Variants in CASR observed in about 807,000 individuals in gnomAD.
The protein encoded by CASR is extracellular calcium-sensing receptor.
CASR carries 23 observed loss-of-function variants against 69.1 expected under a neutral mutation model. That is an observed-to-expected ratio of 0.33 (90% CI 0.24 to 0.47). The LOEUF (loss-of-function observed/expected upper bound fraction) is 0.47, where lower values mean the gene tolerates loss of function less well. Ranked by LOEUF, CASR falls within the 20% of genes least tolerant of loss-of-function variation. The pLI, the probability that CASR is intolerant of heterozygous loss-of-function variation, is 1.00. For synonymous variants in CASR, 541 were observed against 544.7 expected (o/e 0.99, Z 0.10); for missense variants, 924 against 1,356.1 (o/e 0.68, Z 5.00).
rs2107650239 is a variant in CASR at position 122,284,222 on chromosome 3, G to A, written c.2268G>A (p.Leu756=). 2 of 1,614,058 alleles carry A rather than the reference G, an allele frequency of 1.2e-6. No individual in the cohort carries two copies. Among genetic ancestry groups the A allele is most frequent in the Non-Finnish European group, 1.7e-6 (2 of 1,180,012 alleles). Residue 756 remains leucine, a synonymous_variant, in exon 7 of 7, where the codon CTG becomes CTA. Transcript: ENST00000639785. ...CGTCAAGCTACCGCAACCAGGAGCT[G>A]GAGGATGAGATCATCTTCATCACGT... ...APPSSYRNQE[L]EDEIIFITCH... is the part of the protein sequence containing the mutation.
At chr3:122,231,985 G>A (rs563151889) in intron 1 of CASR, among the ~76,000 whole-genome samples, 25 of 152,250 alleles carry the variant, frequency 1.6e-4, no homozygotes, top group African/African-American at 6.0e-4. Context: ...ACACCCGCAT[G>A]TCCAGATAGC....
In CASR at chr3:122,221,647, TAAC is replaced by T. The variant is rs553416190; in HGVS notation, c.-242-32290_-242-32288del. On this transcript the variant is annotated intron_variant, in intron 1 of 6. Coordinates refer to ENST00000639785, the MANE Select transcript of CASR (RefSeq NM_000388.4). The stretch of plus-strand genomic sequence containing the variant: ...TGATCTATTGCCACTAGAAAGATAG[TAAC>T]AACAACAACACAAATCTCTAGTACA... Among the ~76,000 whole-genome samples, 10 of 152,268 alleles carry T rather than the reference TAAC, an allele frequency of 6.6e-5. No individual in the cohort carries two copies. In the South Asian group the frequency reaches 2.1e-3, roughly 32 times the overall value.
intron 1 of CASR, among the ~76,000 whole-genome samples, chr3:122,191,195 A>G (rs1449622548): frequency 6.6e-6 from 1 of 152,254 alleles, no homozygotes; most frequent in African/African-American, 2.4e-5. Context: ...AGCAGTGGAT[A>G]TTTTGTAAGA....
intron 3 of CASR, 57 bp from the exon 4 acceptor site, chr3:122,261,471 C>T (rs2074620315): frequency 2.6e-6 from 4 of 1,549,132 alleles, no homozygotes; most frequent in Admixed American, 1.7e-5. Flanking sequence ...TGGAGGCTCA[C>T]TCAGCACCTC....
rs1379368670 is a variant in CASR, at chr3:122,284,761, T to A, written c.2807T>A (p.Leu936Gln). The change falls in exon 7 of 7, where the codon CTG (leucine) becomes CAG (glutamine). Residue 936 changes from leucine (L) to glutamine (Q), a missense_variant. By Grantham distance (113) the Leu-to-Gln change is moderately radical (BLOSUM62 -2). This residue lies in a region of CASR where 201 missense variants were observed against 228.8 expected (regional missense o/e 0.88). Transcript: ENST00000639785. ...QPERQKQQQP[L>Q]ALTQQEQQQQ... is the part of the protein sequence containing the mutation. Reference sequence around the variant, plus strand: ...GAGAGGCAGAAGCAGCAGCAGCCGCTGGCCCTAACCCAGCAAGAGCAGCAG... The same window carrying A: ...GAGAGGCAGAAGCAGCAGCAGCCGCAGGCCCTAACCCAGCAAGAGCAGCAG... 6.2e-7 allele frequency: 1 copy of A among 1,613,978 alleles called. No individual in the cohort carries two copies.
At position 122,183,794 on chromosome 3, in the gene CASR, C is replaced by T. The variant is rs1413199560; in HGVS notation, c.-261C>T. 6.6e-6 allele frequency: 1 copy of T among 152,162 alleles called. No individual in the cohort carries two copies. Among genetic ancestry groups the T allele is most frequent in the Non-Finnish European group, 1.5e-5 (1 of 68,036 alleles). The allele number at this position is 152,162 out of a possible 1,614,324, so 9.4% of individuals were successfully genotyped here. On this transcript the variant is annotated 5_prime_UTR_variant, in exon 1 of 7. Transcript: ENST00000639785. ...GTCTTGCGGCACAGGCAACGCTTGA[C>T]CTGAGTCTTGCAGAATGAGTAAGAG...
chr3:122,209,849 GC>G lies in CASR; in HGVS notation c.-243+26038del, dbSNP rs778020722. Among the ~76,000 whole-genome samples the G allele has an allele frequency of 2.6e-5, 4 of 152,264 alleles. No individual in the cohort carries two copies. The East Asian group carries it at 7.7e-4, about 29-fold the overall frequency. ...CAATACAAAAATTAATAAAATACTG[GC>G]AAACCGAAGCCAGCAGCACATCAAA... On this transcript the variant is annotated intron_variant, in intron 1 of 6. Coordinates refer to ENST00000639785, the MANE Select transcript of CASR (RefSeq NM_000388.4).
chr3:122,223,888 C>T (rs543724807), intron 1 of CASR, among the ~76,000 whole-genome samples: 4 of 152,202 alleles, frequency 2.6e-5, no homozygotes, highest in South Asian at 2.1e-4. Flanking sequence ...GTTCAACATA[C>T]GCAAATCAAT....
At chr3:122,281,288 GGTT>G (rs2074884237) in intron 5 of CASR, among the ~76,000 whole-genome samples, 1 of 152,096 alleles carries the variant, frequency 6.6e-6, no homozygotes, top group African/African-American at 2.4e-5. Context: ...CTAATAATTC[GGTT>G]GTTCTTTTGG....
chr3:122,212,953 A>AT (rs1339895647), intron 1 of CASR, among the ~76,000 whole-genome samples: 1 of 152,138 alleles, frequency 6.6e-6, no homozygotes, highest in Non-Finnish European at 1.5e-5. Flanking sequence ...ATTTTCTACA[A>AT]TTTTTAAGCA....
At chr3:122,200,715 G>A (rs1456708502) in intron 1 of CASR, among the ~76,000 whole-genome samples, 1 of 152,022 alleles carries the variant, frequency 6.6e-6, no homozygotes, top group African/African-American at 2.4e-5. Context: ...TGATTCTTTG[G>A]CACATGTACA....
intron 1 of CASR, among the ~76,000 whole-genome samples, chr3:122,244,611 A>G (rs1053499954): frequency 1.3e-5 from 2 of 152,106 alleles, no homozygotes; most frequent in African/African-American, 4.8e-5. Flanking sequence ...GGGGAAGGTA[A>G]TGACTCTAGG....
At chr3:122,252,457 AAGAAAGAAAAGAAAAGAAGGGAGGGAGG>A in intron 1 of CASR, among the ~76,000 whole-genome samples, 3 of 76,072 alleles carry the variant, frequency 3.9e-5, no homozygotes, top group Non-Finnish European at 5.6e-5. Flanking sequence ...AAAAAAAGAA[AAGAAAGAAAAGAAAAGAAGGGAGGGAGG>A]GAAGGAAGGA....
Position 122,285,371 on chromosome 3 carries a change from T to TAA in CASR, c.*187_*188dup, listed in dbSNP as rs33974189. ...AATTGACCCATGTTCCCTTTAAAAT[T>TAA]AAAAAAAAGAAGAGCCTTGTGTTTC... On this transcript the variant is annotated 3_prime_UTR_variant, in exon 7 of 7. Transcript: ENST00000639785. The TAA allele has an allele frequency of 1.1e-4, 64 of 575,708 alleles. No homozygotes were observed. The highest frequency in any genetic ancestry group is 4.7e-4 in the Middle Eastern group (1 of 2,110). The allele number at this position is 575,708 out of a possible 1,614,324, so 35.7% of individuals were successfully genotyped here.
At chr3:122,264,693 G>T (rs949495194) in intron 4 of CASR, among the ~76,000 whole-genome samples, 6 of 152,146 alleles carry the variant, frequency 3.9e-5, no homozygotes, top group Non-Finnish European at 8.8e-5. Context: ...TGGGAAATTG[G>T]CCAAAATGTC....
At chr3:122,241,359 T>C (rs917946991) in intron 1 of CASR, among the ~76,000 whole-genome samples, 9 of 152,034 alleles carry the variant, frequency 5.9e-5, no homozygotes, top group Non-Finnish European at 1.0e-4. Flanking sequence ...TTACAACTGA[T>C]ACCACAGAAA....
At chr3:122,226,424 C>A (rs2074223337) in intron 1 of CASR, among the ~76,000 whole-genome samples, 1 of 152,068 alleles carries the variant, frequency 6.6e-6, no homozygotes, top group South Asian at 2.1e-4. Flanking sequence ...GCAGTGTGAA[C>A]CCAAAGAGTG....
intron 1 of CASR, among the ~76,000 whole-genome samples, chr3:122,244,608 G>T (rs1006463362): frequency 6.6e-6 from 1 of 152,122 alleles, no homozygotes; most frequent in South Asian, 2.1e-4. Context: ...TTTGGGGAAG[G>T]TAATGACTCT....
intron 4 of CASR, among the ~76,000 whole-genome samples, chr3:122,265,059 A>G (rs895494767): frequency 1.3e-5 from 2 of 152,120 alleles, no homozygotes; most frequent in Non-Finnish European, 2.9e-5. Flanking sequence ...AGGGCCATCA[A>G]TTTTTATCTC....
Sources: allele counts gnomAD v4.1 joint callset (sites outside exome capture counted in the v4.1 genomes callset), GRCh38; gene constraint gnomAD v4.1.1; regional missense constraint gnomAD v4.1.1; transcripts MANE v1.5; gene names NCBI Gene and HGNC (gene_info 2026-07-23, HGNC 2026-07-21).